VCL: variants seen among roughly 807,000 people sequenced by gnomAD.
VCL encodes epididymis luminal protein 114.
Under a neutral mutation model 125.7 loss-of-function variants are expected in VCL, and 47 were observed. That is an observed-to-expected ratio of 0.37 (90% CI 0.30 to 0.48). The LOEUF is 0.48. Ranked by LOEUF, VCL falls within the 20% of genes least tolerant of loss-of-function variation. The pLI is 0.99. For missense variants in VCL, 1,069 were observed against 1,455.5 expected, an observed-to-expected ratio of 0.73 and a Z score of 4.32; for synonymous variants, 458 against 514.6, an observed-to-expected ratio of 0.89 and a Z score of 1.49.
intron 1 of VCL, among the ~76,000 whole-genome samples, chr10:74,018,389 G>A (rs1840601171): frequency 6.6e-6 from 1 of 151,826 alleles, no homozygotes. Context: ...CTTGGGCTAG[G>A]ACTGTGAACT....
At chr10:74,063,850 G>C (rs939765232) in intron 2 of VCL, 2 of 152,104 alleles carry the variant, frequency 1.3e-5, no homozygotes, top group Admixed American at 6.5e-5. Flanking sequence ...TTTACTCAAC[G>C]CTTCTGATAC....
intron 1 of VCL, among the ~76,000 whole-genome samples, chr10:74,032,064 C>CAAAA (rs35715975): frequency 4.8e-5 from 1 of 21,032 alleles, no homozygotes; most frequent in Non-Finnish European, 7.5e-5. Flanking sequence ...AACTCCATCT[C>CAAAA]AAAAAAAAAA....
chr10:74,034,537 A>C (rs1840938212), intron 1 of VCL, among the ~76,000 whole-genome samples: 2 of 152,226 alleles, frequency 1.3e-5, no homozygotes, highest in African/African-American at 2.4e-5. Context: ...TAGAGCATGC[A>C]TTACACTGCA....
At chr10:74,068,497 G>A (rs1002837277) in intron 2 of VCL, among the ~76,000 whole-genome samples, 5 of 151,952 alleles carry the variant, frequency 3.3e-5, no homozygotes, top group African/African-American at 4.8e-5. Context: ...GCTAATTTTT[G>A]TACTTTTGGT....
chr10:74,072,945 C>CTTTTT, intron 5 of VCL, 93 bp downstream of exon 5: 1 of 1,279,796 alleles, frequency 7.8e-7, no homozygotes, highest in Admixed American at 2.2e-5. Context: ...GTTTTCTTTT[C>CTTTTT]TTTTTTTTTT....
chr10:74,090,030 T>G lies in VCL; in HGVS notation c.1184T>G (p.Leu395Arg). 1.2e-6 allele frequency: 2 copies of G among 1,614,212 alleles called. No homozygotes were observed. The highest frequency in any genetic ancestry group is 1.7e-6 in the Non-Finnish European group (2 of 1,180,036). ...CTCCGTTTCTATGTGTAGAACTGGC[T>G]TGCAGATCCAAATGGTGGACCGGAA... Reference protein sequence around the residue: ...AKKIDAAQNWLADPNGGPEGE... With the variant: ...AKKIDAAQNWRADPNGGPEGE... The change falls in exon 10 of 22, where the codon CTT (leucine) becomes CGT (arginine). Residue 395 changes from leucine to arginine, a missense_variant. Coordinates refer to ENST00000211998, the MANE Select transcript of VCL (RefSeq NM_014000.3).
At chr10:74,117,930 G>A (rs1229361972) in intron 21 of VCL, 93 bp from the exon 22 acceptor site, 6 of 1,556,968 alleles carry the variant, frequency 3.9e-6, no homozygotes, top group Non-Finnish European at 5.3e-6. Flanking sequence ...GTACCAGTGG[G>A]GTTAGCTGCA....
intron 6 of VCL, chr10:74,077,748 A>C: frequency 2.2e-6 from 1 of 455,856 alleles, no homozygotes. Flanking sequence ...GGGGGAAGAA[A>C]GTAAGTGGAA....
intron 1 of VCL, 23 bp downstream of exon 1, chr10:73,998,398 G>T: frequency 1.4e-6 from 2 of 1,449,358 alleles, no homozygotes; most frequent in South Asian, 1.4e-5. Context: ...GGCCTGGCGC[G>T]GGAGCGGGCG....
intron 2 of VCL, among the ~76,000 whole-genome samples, chr10:74,061,266 T>C (rs1392898289): frequency 6.6e-6 from 1 of 152,190 alleles, no homozygotes; most frequent in Non-Finnish European, 1.5e-5. Context: ...CTTAGTGGGA[T>C]TTGTTTGGCT....
chr10:74,090,311 T>A, intron 10 of VCL, 113 bp downstream of exon 10: 2 of 1,205,696 alleles, frequency 1.7e-6, no homozygotes, highest in Non-Finnish European at 2.4e-6. Context: ...TCAATTCCCC[T>A]AGGTTAAATG....
chr10:74,110,316 A>C (rs1278646585), intron 18 of VCL, among the ~76,000 whole-genome samples: 2 of 152,238 alleles, frequency 1.3e-5, no homozygotes, highest in Non-Finnish European at 1.5e-5. Flanking sequence ...ATTATTTAAA[A>C]AAACAAACAA....
intron 1 of VCL, among the ~76,000 whole-genome samples, chr10:74,030,115 T>C (rs1840847159): frequency 6.6e-6 from 1 of 152,236 alleles, no homozygotes; most frequent in African/African-American, 2.4e-5. Context: ...GTACAAATTC[T>C]GATGCCTTAG....
In VCL at chr10:74,107,144, G is replaced by C. The variant is rs983486977; in HGVS notation, c.2435-86G>C. The C allele has an allele frequency of 3.1e-6, 5 of 1,609,112 alleles. No homozygotes were observed. In the African/African-American group the frequency reaches 4.0e-5, roughly 13 times the overall value. On this transcript the variant is annotated intron_variant, in intron 16 of 21. Transcript: ENST00000211998. ...ACTGGCAGCTTCACATCCAGCTTTT[G>C]TTCATGGAACCAGTTCTGCTGCTGC...
intron 2 of VCL, among the ~76,000 whole-genome samples, chr10:74,055,281 CAA>C (rs1841372518): frequency 6.6e-6 from 1 of 152,138 alleles, no homozygotes; most frequent in Non-Finnish European, 1.5e-5. Flanking sequence ...GTCTGAGTGA[CAA>C]AGTGAGACTC....
intron 1 of VCL, among the ~76,000 whole-genome samples, chr10:73,999,611 G>A (rs116822498): frequency 0.032 from 4,943 of 152,180 alleles, 224 homozygotes; most frequent in African/African-American, 0.1. Flanking sequence ...GTGGGGCTTG[G>A]GTTACTTTTC....
chr10:74,094,467 G>A lies in VCL; in HGVS notation c.1543+6G>A, dbSNP rs1839934992. The A allele has an allele frequency of 3.7e-6, 6 of 1,612,588 alleles. No individual in the cohort carries two copies. The highest frequency in any genetic ancestry group is 2.5e-6 in the Non-Finnish European group (3 of 1,179,338). On this transcript the variant is annotated splice_donor_region_variant and intron_variant, in intron 11 of 21. Coordinates refer to ENST00000211998, the MANE Select transcript of VCL (RefSeq NM_014000.3). ...AGTGGATGACCGTGGAGTCGGTAAG[G>A]GCAGCAGTGCACTATAACCTCATTA...
intron 10 of VCL, among the ~76,000 whole-genome samples, chr10:74,092,196 C>T (rs1207336691): frequency 6.6e-6 from 1 of 152,140 alleles, no homozygotes; most frequent in Non-Finnish European, 1.5e-5. Context: ...TGTGAGCCAC[C>T]ACACCTGGCC....
chr10:74,062,026 T>G (rs545944631), intron 2 of VCL, among the ~76,000 whole-genome samples: 1 of 151,000 alleles, frequency 6.6e-6, no homozygotes, highest in African/African-American at 2.4e-5. Flanking sequence ...GCCTCAAGAG[T>G]AGCTGGGGCT....
Sources: gnomAD v4.1 joint callset for allele counts (sites outside exome capture counted in the v4.1 genomes callset) on GRCh38, gnomAD v4.1.1 for gene constraint, MANE v1.5 for transcripts, NCBI Gene and HGNC (gene_info 2026-07-23, HGNC 2026-07-21) for gene names.